GALNT14: variants seen among roughly 807,000 people sequenced by gnomAD.
GALNT14 encodes polypeptide N-acetylgalactosaminyltransferase 14.
Under a neutral mutation model 77.5 loss-of-function variants are expected in GALNT14, and 60 were observed. That is an observed-to-expected ratio of 0.77 (90% CI 0.63 to 0.96). The LOEUF (loss-of-function observed/expected upper bound fraction) is 0.96. Ranked by LOEUF, GALNT14 falls within the 40% of genes least tolerant of loss-of-function variation. The pLI is 0.00. For missense variants in GALNT14, 710 were observed against 731.0 expected (o/e 0.97, Z 0.33); for synonymous variants, 280 against 281.7 (o/e 0.99, Z 0.06).
intron 1 of GALNT14, among the ~76,000 whole-genome samples, chr2:31,042,366 C>T (rs932627369): frequency 4.6e-5 from 7 of 151,980 alleles, no homozygotes; most frequent in South Asian, 2.1e-4. Flanking sequence ...TAAAGTTAAT[C>T]GAGGTGGGTG....
chr2:30,929,273 C>T (rs1181964611), intron 11 of GALNT14, 122 bp downstream of exon 11: 13 of 679,902 alleles, frequency 1.9e-5, no homozygotes, highest in Middle Eastern at 4.0e-4. Flanking sequence ...AAGCCACAGC[C>T]TTGGGCCCTG....
At chr2:30,953,773 AC>A (rs1347445000) in intron 6 of GALNT14, among the ~76,000 whole-genome samples, 22 of 152,076 alleles carry the variant, frequency 1.4e-4, no homozygotes, top group Non-Finnish European at 2.9e-5. Flanking sequence ...GCCCATTCCA[AC>A]CCTTGGGACA....
the GALNT14 span, among the ~76,000 whole-genome samples, chr2:30,887,646 A>C: frequency 2.0e-5 from 3 of 152,236 alleles, no homozygotes; most frequent in East Asian, 5.8e-4. Context: ...ACGATTTGCA[A>C]TATCTGTGGA....
intron 13 of GALNT14, among the ~76,000 whole-genome samples, chr2:30,919,099 CCTTT>C (rs1292161162): frequency 6.6e-6 from 1 of 152,152 alleles, no homozygotes; most frequent in African/African-American, 2.4e-5. Context: ...ATGTTTTTCC[CCTTT>C]CTTTAAATTG....
chr2:31,062,980 T>C (rs1163658077), intron 1 of GALNT14, among the ~76,000 whole-genome samples: 5 of 152,180 alleles, frequency 3.3e-5, no homozygotes, highest in African/African-American at 2.4e-5. Flanking sequence ...GTCAGATGGA[T>C]AGATTGAAAA....
intron 1 of GALNT14, among the ~76,000 whole-genome samples, chr2:31,093,549 A>G (rs2365198): frequency 0.59 from 90,042 of 151,610 alleles, 27,828 homozygotes; most frequent in African/African-American, 0.76. Flanking sequence ...GCCTGGGACT[A>G]AACATCCACA....
intron 1 of GALNT14, among the ~76,000 whole-genome samples, chr2:31,097,679 C>T (rs1677071154): frequency 6.6e-6 from 1 of 152,116 alleles, no homozygotes; most frequent in South Asian, 2.1e-4. Context: ...CTATTTGGGT[C>T]ACACTTCCTG....
chr2:30,892,416 C>G, the GALNT14 span, among the ~76,000 whole-genome samples: 1 of 152,086 alleles, frequency 6.6e-6, no homozygotes, highest in Non-Finnish European at 1.5e-5. Context: ...GAAACAGTAA[C>G]AAGCTAAAGA....
At chr2:31,003,154 T>C (rs1458844055) in intron 1 of GALNT14, among the ~76,000 whole-genome samples, 1 of 152,222 alleles carries the variant, frequency 6.6e-6, no homozygotes, top group Admixed American at 6.5e-5. Context: ...AGTATTCATT[T>C]TTATCTCAGG....
chr2:30,931,207 C>G (rs1665706455), intron 10 of GALNT14, among the ~76,000 whole-genome samples: 1 of 152,176 alleles, frequency 6.6e-6, no homozygotes, highest in Non-Finnish European at 1.5e-5. Context: ...CTCCTCAGGA[C>G]AGCTGTGTTG....
chr2:30,989,659 TATATATATTAGTATATATAAAAA>T (rs70962297), intron 2 of GALNT14, among the ~76,000 whole-genome samples: 7,078 of 131,746 alleles, frequency 0.054, 239 homozygotes, highest in Admixed American at 0.083. Flanking sequence ...TATATTAAAA[TATATATATTAGTATATATAAAAA>T]ATATATATTA....
the GALNT14 span, among the ~76,000 whole-genome samples, chr2:30,899,120 ACTC>A: frequency 6.6e-6 from 1 of 151,928 alleles, no homozygotes; most frequent in Non-Finnish European, 1.5e-5. Context: ...CTCTCTGTTG[ACTC>A]CTATTTAGCA....
In GALNT14 at chr2:30,934,705, C is replaced by A. The variant is rs139897424; in HGVS notation, c.932-2511G>T. Among the ~76,000 whole-genome samples the A allele has an allele frequency of 2.5e-3, 384 of 152,298 alleles. 1 individual carries two copies. The highest frequency in any genetic ancestry group is 0.01 in the Middle Eastern group (3 of 294). On this transcript the variant is annotated intron_variant, in intron 9 of 14. Coordinates refer to ENST00000349752, the MANE Select transcript of GALNT14 (RefSeq NM_024572.4). Reference sequence around the variant, plus strand: ...ACCATTGCCTGGCCCTGATCCTTCTCTACCTTCCTTCTGGTCTCCCCATGT... The same window carrying A: ...ACCATTGCCTGGCCCTGATCCTTCTATACCTTCCTTCTGGTCTCCCCATGT...
At chr2:31,118,720 A>G (rs1302045764) in intron 1 of GALNT14, among the ~76,000 whole-genome samples, 1 of 152,176 alleles carries the variant, frequency 6.6e-6, no homozygotes, top group African/African-American at 2.4e-5. Context: ...AGACAATAAA[A>G]TAGTCAAGAT....
Position 31,138,333 on chromosome 2 carries a change from C to G in GALNT14, c.-247G>C. 1 of 471,920 alleles carries G rather than the reference C, an allele frequency of 2.1e-6. No homozygotes were observed. The highest frequency in any genetic ancestry group is 3.7e-6 in the Non-Finnish European group (1 of 268,466). 29.2% of individuals were successfully genotyped at this position (471,920 alleles called of 1,614,324 possible). A position where few individuals can be genotyped will look rare whatever the true frequency, so the allele number is the denominator to read the frequency against. ...GGACCGAGGGCAGCCAAGCTGGACGCCCGCTCCAGCGGGAGAAGCGCGGTG... is the reference window on the plus strand; with the variant it reads ...GGACCGAGGGCAGCCAAGCTGGACGGCCGCTCCAGCGGGAGAAGCGCGGTG... On this transcript the variant is annotated 5_prime_UTR_variant, in exon 1 of 15. Coordinates refer to ENST00000349752, the MANE Select transcript of GALNT14 (RefSeq NM_024572.4).
At chr2:30,972,983 C>T (rs1005118940) in intron 2 of GALNT14, among the ~76,000 whole-genome samples, 1 of 152,216 alleles carries the variant, frequency 6.6e-6, no homozygotes, top group Admixed American at 6.5e-5. Context: ...AAACAAAAAG[C>T]TATGTTGACC....
chr2:31,049,461 AGAG>A (rs1183460943), intron 1 of GALNT14, among the ~76,000 whole-genome samples: 5 of 152,186 alleles, frequency 3.3e-5, no homozygotes, highest in Non-Finnish European at 7.3e-5. Flanking sequence ...TAGCTACCTC[AGAG>A]GAGAAGCAAG....
intron 1 of GALNT14, among the ~76,000 whole-genome samples, chr2:31,042,338 T>C (rs1213267607): frequency 6.6e-6 from 1 of 152,198 alleles, no homozygotes; most frequent in East Asian, 1.9e-4. Context: ...TGGAATGAAC[T>C]GGGAGACCTG....
intron 1 of GALNT14, among the ~76,000 whole-genome samples, chr2:31,019,436 AGGGGACTT>A (rs568241640): frequency 5.6e-4 from 86 of 152,232 alleles, no homozygotes; most frequent in African/African-American, 2.0e-3. Context: ...TGTCATTTTG[AGGGGACTT>A]GGGCTCATTC....
Sources: gnomAD v4.1 joint callset for allele counts (sites outside exome capture counted in the v4.1 genomes callset) on GRCh38, gnomAD v4.1.1 for gene constraint, MANE v1.5 for transcripts, NCBI Gene and HGNC (gene_info 2026-07-23, HGNC 2026-07-21) for gene names.